Variants in PDCD6 observed in about 807,000 individuals in gnomAD.
The protein encoded by PDCD6 is programmed cell death 6, also known as programmed cell death protein 6.
A neutral mutation model predicts 28.3 loss-of-function variants in PDCD6; 12 were observed. The observed-to-expected ratio is 0.42, with a 90% CI of 0.27 to 0.69. PDCD6 has a LOEUF of 0.69. Ranked by LOEUF, PDCD6 falls within the 30% of genes least tolerant of loss-of-function variation. The pLI is 0.22. For synonymous variants in PDCD6, 92 were observed against 108.0 expected, an observed-to-expected ratio of 0.85 and a Z score of 0.92; for missense variants, 226 against 269.9, an observed-to-expected ratio of 0.84 and a Z score of 1.14.
intron 2 of PDCD6, chr5:289,130 C>A (rs1739165455): frequency 3.5e-6 from 4 of 1,145,970 alleles, no homozygotes; most frequent in Non-Finnish European, 5.1e-6. Flanking sequence ...TTTCCGGGAT[C>A]ATTTCTCTTG....
intron 5 of PDCD6, 44 bp from the exon 6 acceptor site, chr5:314,373 C>T: frequency 7.0e-7 from 1 of 1,438,504 alleles, no homozygotes; most frequent in Non-Finnish European, 9.8e-7. Flanking sequence ...GCACCTTGCT[C>T]CTTCCATTTA....
intron 2 of PDCD6, among the ~76,000 whole-genome samples, chr5:297,851 AT>A (rs1183179036): frequency 6.6e-6 from 1 of 152,248 alleles, no homozygotes; most frequent in East Asian, 1.9e-4. Context: ...TACAAAAAGT[AT>A]AGAATATGAC....
At chr5:297,071 C>T (rs1739665109) in intron 2 of PDCD6, among the ~76,000 whole-genome samples, 1 of 152,254 alleles carries the variant, frequency 6.6e-6, no homozygotes, top group Admixed American at 6.5e-5. Flanking sequence ...GCTCAGCCCA[C>T]ACTGTGCCGG....
intron 2 of PDCD6, among the ~76,000 whole-genome samples, chr5:277,299 GTA>G (rs377597683): frequency 0.073 from 7,241 of 99,374 alleles, 312 homozygotes; most frequent in Non-Finnish European, 0.1. Flanking sequence ...CTAATTTTTT[GTA>G]TTTTTTTTTT....
intron 5 of PDCD6, chr5:312,167 A>T (rs1327155493): frequency 6.6e-6 from 1 of 152,218 alleles, no homozygotes; most frequent in Non-Finnish European, 1.5e-5. Context: ...GGAGCTGGTA[A>T]TGCACCCTGA....
Position 311,531 on chromosome 5 carries a change from A to G in PDCD6, c.477+129A>G, listed in dbSNP as rs1437983159. On this transcript the variant is annotated intron_variant, in intron 5 of 5. Coordinates refer to ENST00000264933, the MANE Select transcript of PDCD6 (RefSeq NM_013232.4). ...TTAGTTTTTGGAGCTTATAAAAGTG[A>G]GTCTCATCTTTGGAGAAGTAGCCGG... 8 of 648,172 alleles carry G rather than the reference A, an allele frequency of 1.2e-5. No individual in the cohort carries two copies. In the East Asian group the frequency reaches 1.9e-4, roughly 16 times the overall value. 40.2% of individuals were successfully genotyped at this position (648,172 alleles called of 1,614,324 possible).
chr5:314,527 C>T lies in PDCD6; in HGVS notation c.*12C>T, dbSNP rs769772556. On this transcript the variant is annotated 3_prime_UTR_variant, in exon 6 of 6. Transcript: ENST00000264933. ...TCAGTATCGTATGACCCTGGCCTCT[C>T]GTGAAGAGCAGCACAACATGGAAAG... The T allele has an allele frequency of 3.2e-6, 5 of 1,582,996 alleles. No individual in the cohort carries two copies. Among genetic ancestry groups the T allele is most frequent in the East Asian group, 2.2e-5 (1 of 44,734 alleles).
In PDCD6 at chr5:307,791, TCTC is replaced by T. The variant is rs1302666031; in HGVS notation, c.367+1035_367+1037del. On this transcript the variant is annotated intron_variant, in intron 4 of 5. Coordinates refer to ENST00000264933, the MANE Select transcript of PDCD6 (RefSeq NM_013232.4). The surrounding 1 kb of genome is among the most constrained non-coding windows in gnomAD (Gnocchi z 6.1). Reference sequence around the variant, plus strand: ...GTCTCACTTATCTAAGCACGTCGCCTCTCCTCGTGTTTCCTCCCAGCATGCACT... The same window carrying T: ...GTCTCACTTATCTAAGCACGTCGCCTCTCGTGTTTCCTCCCAGCATGCACT... Among the ~76,000 whole-genome samples the T allele has an allele frequency of 2.6e-5, 4 of 152,102 alleles. No individual in the cohort carries two copies. The highest frequency in any genetic ancestry group is 5.9e-5 in the Non-Finnish European group (4 of 68,014).
At chr5:303,335 G>T (rs1482486792) in intron 2 of PDCD6, among the ~76,000 whole-genome samples, 3 of 151,704 alleles carry the variant, frequency 2.0e-5, no homozygotes, top group African/African-American at 7.3e-5. Flanking sequence ...CACAGACGGG[G>T]TATGAGGAGA....
intron 4 of PDCD6, chr5:309,332 G>A (rs1426283611): frequency 6.4e-6 from 1 of 155,808 alleles, no homozygotes; most frequent in Middle Eastern, 3.0e-3. Flanking sequence ...GTTGCTTCTG[G>A]ATTTTGGCTT....
At chr5:299,839 G>A (rs570144375) in intron 2 of PDCD6, among the ~76,000 whole-genome samples, 31 of 150,956 alleles carry the variant, frequency 2.1e-4, no homozygotes, top group South Asian at 4.2e-4. Context: ...GCCAGCCACC[G>A]CGCCCAGCTG....
chr5:276,466 T>A, intron 2 of PDCD6: 6 of 985,598 alleles, frequency 6.1e-6, no homozygotes, highest in Non-Finnish European at 7.2e-6. Context: ...TGAATTTCTT[T>A]ATTTTAAGAA....
intron 2 of PDCD6, among the ~76,000 whole-genome samples, chr5:288,274 C>G (rs1047289448): frequency 7.2e-6 from 1 of 138,228 alleles, no homozygotes; most frequent in Admixed American, 7.7e-5. Context: ...CATTTCCCCC[C>G]TTAAAATAAT....
intron 2 of PDCD6, chr5:289,051 G>A: frequency 7.7e-7 from 1 of 1,296,410 alleles, no homozygotes; most frequent in Non-Finnish European, 1.1e-6. Context: ...TCCTCCATTT[G>A]ATTATTTTCC....
chr5:289,768 G>A (rs907836512), intron 2 of PDCD6: 7 of 957,416 alleles, frequency 7.3e-6, no homozygotes, highest in African/African-American at 6.4e-5. Flanking sequence ...TGTCATGGGG[G>A]CTGACAAAGA....
At chr5:276,482 T>C (rs1157394962) in intron 2 of PDCD6, 6 of 983,066 alleles carry the variant, frequency 6.1e-6, no homozygotes, top group Non-Finnish European at 7.3e-6. Context: ...AAGAAAAAAA[T>C]TAGAGATGGA....
chr5:284,950 C>T (rs1286172633), intron 2 of PDCD6, among the ~76,000 whole-genome samples: 1 of 146,316 alleles, frequency 6.8e-6, no homozygotes, highest in African/African-American at 2.5e-5. Flanking sequence ...ACATCTGCTC[C>T]CCACAGTGTC....
At chr5:272,080 C>T (rs1199243195) in intron 1 of PDCD6, among the ~76,000 whole-genome samples, 2 of 149,496 alleles carry the variant, frequency 1.3e-5, no homozygotes, top group Non-Finnish European at 2.9e-5. Flanking sequence ...CCGCCCCTGC[C>T]TCCTGCCCGG....
At chr5:274,880 T>C (rs1166063638) in intron 2 of PDCD6, among the ~76,000 whole-genome samples, 1 of 152,214 alleles carries the variant, frequency 6.6e-6, no homozygotes, top group African/African-American at 2.4e-5. Flanking sequence ...TGATTTCAGC[T>C]GCTACTAAAT....
Sources: allele counts gnomAD v4.1 joint callset (sites outside exome capture counted in the v4.1 genomes callset), GRCh38; gene constraint gnomAD v4.1.1; non-coding constraint Gnocchi (gnomAD v3.1); transcripts MANE v1.5; gene names NCBI Gene and HGNC (gene_info 2026-07-23, HGNC 2026-07-21).